SNTB2: variants seen among roughly 807,000 people sequenced by gnomAD.
The protein encoded by SNTB2 is syntrophin beta 2, also known as beta-2-syntrophin.
SNTB2 carries 34 observed loss-of-function variants against 46.2 expected under a neutral mutation model. The observed-to-expected ratio is 0.74, with a 90% CI of 0.56 to 0.98. The LOEUF (loss-of-function observed/expected upper bound fraction) is 0.98. SNTB2 is among the 50% of genes least tolerant of loss of function. The pLI, the probability that SNTB2 is intolerant of heterozygous loss-of-function variation, is 0.00. For missense variants in SNTB2, 603 were observed against 731.4 expected (o/e 0.82, Z 2.02); for synonymous variants, 290 against 312.6 (o/e 0.93, Z 0.76).
intron 4 of SNTB2, among the ~76,000 whole-genome samples, chr16:69,283,157 C>T (rs1342831442): frequency 6.6e-6 from 1 of 152,072 alleles, no homozygotes; most frequent in East Asian, 1.9e-4. Context: ...GACAGGGTGT[C>T]TCTGTATTGC....
At chr16:69,268,845 A>C (rs565505933) in intron 3 of SNTB2, among the ~76,000 whole-genome samples, 1 of 151,834 alleles carries the variant, frequency 6.6e-6, no homozygotes, top group South Asian at 2.1e-4. Context: ...AGCCTGGGCA[A>C]CAGAGCAAGA....
intron 5 of SNTB2, among the ~76,000 whole-genome samples, chr16:69,288,672 G>A (rs578082211): frequency 1.3e-5 from 2 of 152,288 alleles, no homozygotes; most frequent in African/African-American, 2.4e-5. Flanking sequence ...GTATGATCTA[G>A]CAATCCTACT....
intron 2 of SNTB2, among the ~76,000 whole-genome samples, chr16:69,256,514 C>T (rs1027662065): frequency 6.6e-6 from 1 of 152,170 alleles, no homozygotes; most frequent in Admixed American, 6.5e-5. Context: ...CTGGCACTTA[C>T]CATTCTGCTT....
chr16:69,278,565 C>A (rs538484099), intron 4 of SNTB2, among the ~76,000 whole-genome samples: 1 of 151,666 alleles, frequency 6.6e-6, no homozygotes, highest in South Asian at 2.1e-4. Flanking sequence ...AAGCGATTCT[C>A]CTGCCTCAGC....
At chr16:69,240,520 T>C (rs1259359340) in intron 1 of SNTB2, 1 of 152,248 alleles carries the variant, frequency 6.6e-6, no homozygotes, top group Non-Finnish European at 1.5e-5. Flanking sequence ...CCTGAGAGAA[T>C]ACTTTAACAG....
At position 69,305,824 on chromosome 16, in the gene SNTB2, T is replaced by C. The variant is rs561593903; in HGVS notation, c.*4900T>C. 83 of 152,088 alleles carry C rather than the reference T, an allele frequency of 5.5e-4. No homozygotes were observed. The highest frequency in any genetic ancestry group is 1.9e-3 in the African/African-American group (79 of 41,498). The allele number at this position is 152,088 out of a possible 1,614,324, so 9.4% of individuals were successfully genotyped here. ...CAGTCTGCCATCTCCTGCTGTTCTT[T>C]CTCTGTGCCCCCTAATTGCTTGGTA... is the stretch of plus-strand genomic sequence containing the variant. On this transcript the variant is annotated 3_prime_UTR_variant, in exon 7 of 7. Coordinates refer to ENST00000336278, the MANE Select transcript of SNTB2 (RefSeq NM_006750.4).
At position 69,281,846 on chromosome 16, in the gene SNTB2, G is replaced by GA. The variant is rs1461664869; in HGVS notation, c.1149-2194dup. The stretch of plus-strand genomic sequence containing the variant: ...CGAGAAGAGCAAGACTCCATCTTAA[G>GA]AAAAAAAAGAAAGAAAGAAAAGACC... On this transcript the variant is annotated intron_variant, in intron 4 of 6. Coordinates refer to ENST00000336278, the MANE Select transcript of SNTB2 (RefSeq NM_006750.4). Among the ~76,000 whole-genome samples, 6 of 141,494 alleles carry GA rather than the reference G, an allele frequency of 4.2e-5. No homozygotes were observed. The South Asian group carries it at 7.1e-4, about 17-fold the overall frequency. The allele number at this position is 141,494 out of a possible 152,430, so 92.8% of individuals were successfully genotyped here. A position where few individuals can be genotyped will look rare whatever the true frequency, so the allele number is the denominator to read the frequency against.
At chr16:69,277,105 T>C (rs924496481) in intron 4 of SNTB2, among the ~76,000 whole-genome samples, 7 of 152,330 alleles carry the variant, frequency 4.6e-5, no homozygotes, top group Middle Eastern at 3.4e-3. Context: ...ACATCATTTT[T>C]TATTTGAAAG....
intron 1 of SNTB2, among the ~76,000 whole-genome samples, chr16:69,233,957 A>G (rs1039686742): frequency 6.6e-6 from 1 of 152,074 alleles, no homozygotes; most frequent in African/African-American, 2.4e-5. Flanking sequence ...CGCCTGGACA[A>G]CAGAATGAGC....
intron 2 of SNTB2, 66 bp downstream of exon 2, chr16:69,245,881 T>C: frequency 6.8e-7 from 1 of 1,480,714 alleles, no homozygotes; most frequent in Admixed American, 1.7e-5. Flanking sequence ...GTTGCAGTAT[T>C]ATATGACTCT....
At chr16:69,289,630 C>T (rs1183524309) in intron 5 of SNTB2, among the ~76,000 whole-genome samples, 1 of 152,032 alleles carries the variant, frequency 6.6e-6, no homozygotes, top group Non-Finnish European at 1.5e-5. Context: ...AAGATATATA[C>T]AAATATTACA....
At chr16:69,268,759 G>A (rs1964909837) in intron 3 of SNTB2, among the ~76,000 whole-genome samples, 1 of 152,052 alleles carries the variant, frequency 6.6e-6, no homozygotes, top group Non-Finnish European at 1.5e-5. Flanking sequence ...CAGCTCCTCG[G>A]GAGGCTGAGG....
intron 1 of SNTB2, among the ~76,000 whole-genome samples, chr16:69,189,322 G>A (rs1014021311): frequency 1.3e-5 from 2 of 152,146 alleles, no homozygotes; most frequent in African/African-American, 4.8e-5. Context: ...CTCTAAACGT[G>A]TACCTTGAAG....
chr16:69,298,710 C>T (rs1417466589), intron 5 of SNTB2, among the ~76,000 whole-genome samples: 3 of 151,634 alleles, frequency 2.0e-5, no homozygotes, highest in African/African-American at 4.9e-5. Context: ...TTAGTAGAGA[C>T]GGGGTTTCGC....
intron 6 of SNTB2, 67 bp from the exon 7 acceptor site, chr16:69,300,765 A>G: frequency 3.8e-6 from 4 of 1,053,434 alleles, no homozygotes; most frequent in Non-Finnish European, 5.9e-6. Context: ...TTTATTTTGC[A>G]TCTTCGTTTA....
chr16:69,207,765 C>A (rs1414570655), intron 1 of SNTB2, among the ~76,000 whole-genome samples: 7 of 152,046 alleles, frequency 4.6e-5, no homozygotes, highest in Non-Finnish European at 1.5e-5. Flanking sequence ...CCAAGTGTAG[C>A]CTCTAATACT....
intron 3 of SNTB2, among the ~76,000 whole-genome samples, chr16:69,261,297 A>C (rs538539193): frequency 1.3e-5 from 2 of 151,586 alleles, no homozygotes; most frequent in South Asian, 4.2e-4. Flanking sequence ...TTCCTCCCCA[A>C]CATAGTTCTA....
chr16:69,262,070 T>G (rs1964839659), intron 3 of SNTB2, among the ~76,000 whole-genome samples: 1 of 151,992 alleles, frequency 6.6e-6, no homozygotes, highest in South Asian at 2.1e-4. Context: ...TACAAAAAAA[T>G]GAGCTGGGTG....
Position 69,304,105 on chromosome 16 carries a change from C to T in SNTB2, c.*3181C>T, listed in dbSNP as rs181656609. 27 of 152,274 alleles carry T rather than the reference C, an allele frequency of 1.8e-4. No individual in the cohort carries two copies. The East Asian group carries it at 4.4e-3, about 25-fold the overall frequency. The allele number at this position is 152,274 out of a possible 1,614,324, so 9.4% of individuals were successfully genotyped here. ...TTTTCTCCTAAAACTTCTCTCCTTT[C>T]TCTCCATAAAAAGAAAAGGAAAGGA... is the stretch of plus-strand genomic sequence containing the variant. On this transcript the variant is annotated 3_prime_UTR_variant, in exon 7 of 7. Transcript: ENST00000336278.
Sources: allele counts gnomAD v4.1 joint callset (sites outside exome capture counted in the v4.1 genomes callset), GRCh38; gene constraint gnomAD v4.1.1; transcripts MANE v1.5; gene names NCBI Gene and HGNC (gene_info 2026-07-23, HGNC 2026-07-21).